Variants in SLC25A48 observed in about 807,000 individuals in gnomAD.
SLC25A48 encodes the protein CTC-321K16.1.
Under a neutral mutation model 32.2 loss-of-function variants are expected in SLC25A48, and 29 were observed. That is an observed-to-expected ratio of 0.90 (90% CI 0.67 to 1.23). The LOEUF is 1.23. Ranked by LOEUF, SLC25A48 falls within the 50% of genes most tolerant of loss-of-function variation. SLC25A48 has a pLI of 0.00. For missense variants in SLC25A48, 399 were observed against 422.7 expected (o/e 0.94, Z 0.49); for synonymous variants, 164 against 172.3 (o/e 0.95, Z 0.38).
intron 1 of SLC25A48, among the ~76,000 whole-genome samples, chr5:135,616,525 T>C (rs1207913135): frequency 6.6e-6 from 1 of 152,256 alleles, no homozygotes; most frequent in African/African-American, 2.4e-5. Context: ...CCCTTTCTTT[T>C]GGCTGATTTC....
chr5:135,746,537 G>A lies in SLC25A48; in HGVS notation c.-520-65986G>A, dbSNP rs565136676. Among the ~76,000 whole-genome samples the A allele has an allele frequency of 6.0e-4, 91 of 152,288 alleles. 1 individual carries two copies. The highest frequency in any genetic ancestry group is 2.1e-3 in the African/African-American group (88 of 41,562). On this transcript the variant is annotated intron_variant, in intron 3 of 10. Coordinates refer to the SLC25A48 transcript ENST00000646290. ...TGCAGGTACAATCCGATTCTCCGGT[G>A]CAAAATAAGTCTCCAAAAGAGAGGG...
At chr5:135,702,330 A>G (rs1754412620) in intron 3 of SLC25A48, among the ~76,000 whole-genome samples, 1 of 152,258 alleles carries the variant, frequency 6.6e-6, no homozygotes, top group Admixed American at 6.5e-5. Context: ...TGTCCTTATC[A>G]GCAGGCCATG....
intron 3 of SLC25A48, among the ~76,000 whole-genome samples, chr5:135,787,173 A>G (rs1257508029): frequency 6.6e-6 from 1 of 151,130 alleles, no homozygotes; most frequent in Non-Finnish European, 1.5e-5. Flanking sequence ...TAATTACAGA[A>G]GGATGTTACT....
At position 135,660,004 on chromosome 5, in the gene SLC25A48, G is replaced by A. The variant is rs576300726; in HGVS notation, c.-521+25048G>A. On this transcript the variant is annotated intron_variant, in intron 3 of 10. Coordinates refer to the SLC25A48 transcript ENST00000646290. ...AGAGGCAAACCATAACAGTGTTGAA[G>A]CACAAATGGTTTTGGTATATAGCTG... 2.0e-5 allele frequency among the ~76,000 whole-genome samples: 3 copies of A among 152,324 alleles called. No individual in the cohort carries two copies. The South Asian group carries it at 6.2e-4, about 32-fold the overall frequency.
chr5:135,778,182 A>G (rs1756618183), intron 3 of SLC25A48, among the ~76,000 whole-genome samples: 1 of 151,444 alleles, frequency 6.6e-6, no homozygotes, highest in Non-Finnish European at 1.5e-5. Flanking sequence ...GGGGGAGAGG[A>G]TAATATTCCT....
intron 3 of SLC25A48, among the ~76,000 whole-genome samples, chr5:135,697,804 G>T (rs1290040287): frequency 6.6e-6 from 1 of 152,204 alleles, no homozygotes; most frequent in Non-Finnish European, 1.5e-5. Flanking sequence ...GAATGCATCA[G>T]CAGGCTCCTG....
chr5:135,691,336 G>A (rs1315300189), intron 3 of SLC25A48, among the ~76,000 whole-genome samples: 6 of 152,216 alleles, frequency 3.9e-5, no homozygotes, highest in Non-Finnish European at 8.8e-5. Flanking sequence ...TCAGAGCTGG[G>A]TGATAAAAAG....
At chr5:135,883,390 G>A in intron 7 of SLC25A48, 1 of 985,444 alleles carries the variant, frequency 1.0e-6, no homozygotes, top group Non-Finnish European at 1.2e-6. Flanking sequence ...TAAACTCACT[G>A]TGAATTCATG....
intron 1 of SLC25A48, among the ~76,000 whole-genome samples, chr5:135,583,181 CGT>C (rs369714430): frequency 1.1e-4 from 17 of 149,860 alleles, no homozygotes; most frequent in East Asian, 5.9e-4. Flanking sequence ...AGTGTGTGTG[CGT>C]GTGTGTGTGT....
chr5:135,696,221 C>T (rs1754263712), intron 3 of SLC25A48, among the ~76,000 whole-genome samples: 2 of 152,226 alleles, frequency 1.3e-5, no homozygotes, highest in South Asian at 4.1e-4. Context: ...ACCAGATTGA[C>T]TTGGTGCACA....
chr5:135,707,079 TG>T (rs1166341981), intron 3 of SLC25A48, among the ~76,000 whole-genome samples: 4 of 152,032 alleles, frequency 2.6e-5, no homozygotes, highest in Admixed American at 1.3e-4. Context: ...AAGCCAGGGC[TG>T]GGGGTGTGGG....
At chr5:135,656,068 T>C (rs1753239649) in intron 3 of SLC25A48, among the ~76,000 whole-genome samples, 1 of 152,176 alleles carries the variant, frequency 6.6e-6, no homozygotes. Context: ...GGAGTGTGAC[T>C]ATAGGTGAAG....
In SLC25A48 at chr5:135,767,390, G is replaced by A. The variant is rs76072249; in HGVS notation, c.-520-45133G>A. Among the ~76,000 whole-genome samples the A allele has an allele frequency of 9.9e-5, 15 of 151,934 alleles. No individual in the cohort carries two copies. The East Asian group carries it at 1.4e-3, about 14-fold the overall frequency. On this transcript the variant is annotated intron_variant, in intron 3 of 10. Coordinates refer to the SLC25A48 transcript ENST00000646290. Reference sequence around the variant, plus strand: ...AGGATAATATTACTCCCCATATTGCGGGCGGTGCACACACCCCTGTGATAT... The same window carrying A: ...AGGATAATATTACTCCCCATATTGCAGGCGGTGCACACACCCCTGTGATAT...
intron 1 of SLC25A48, among the ~76,000 whole-genome samples, chr5:135,835,429 C>G (rs979167158): frequency 3.3e-5 from 5 of 152,082 alleles, no homozygotes; most frequent in African/African-American, 1.2e-4. Flanking sequence ...CTGCGAGGAG[C>G]ACTTATTGCC....
chr5:135,587,026 T>TTTTTG (rs1751381356), intron 1 of SLC25A48, among the ~76,000 whole-genome samples: 1 of 152,072 alleles, frequency 6.6e-6, no homozygotes, highest in South Asian at 2.1e-4. Context: ...CATTGTATTT[T>TTTTTG]TTTTGTTTTG....
chr5:135,615,316 A>C (rs375966563), intron 1 of SLC25A48, among the ~76,000 whole-genome samples: 1 of 152,224 alleles, frequency 6.6e-6, no homozygotes, highest in Admixed American at 6.5e-5. Context: ...TGATATGGAC[A>C]GTGAACACCG....
intron 3 of SLC25A48, among the ~76,000 whole-genome samples, chr5:135,754,760 C>T (rs890895642): frequency 1.5e-4 from 22 of 147,232 alleles, no homozygotes; most frequent in African/African-American, 4.8e-4. Flanking sequence ...TTTATAATAT[C>T]GAGTGTTTAT....
intron 2 of SLC25A48, among the ~76,000 whole-genome samples, chr5:135,845,640 G>T (rs1291232773): frequency 6.6e-6 from 1 of 152,206 alleles, no homozygotes; most frequent in East Asian, 1.9e-4. Context: ...TTCCTTGTCT[G>T]TAAAGTGGGC....
intron 1 of SLC25A48, among the ~76,000 whole-genome samples, chr5:135,581,874 A>C (rs1751242481): frequency 6.6e-6 from 1 of 151,342 alleles, no homozygotes. Flanking sequence ...TAACTGGGTG[A>C]GGGAGGGGGC....
Sources: allele counts gnomAD v4.1 joint callset (sites outside exome capture counted in the v4.1 genomes callset), GRCh38; gene constraint gnomAD v4.1.1; transcripts MANE v1.5; gene names NCBI Gene and HGNC (gene_info 2026-07-23, HGNC 2026-07-21).